TTC13: variants seen among roughly 807,000 people sequenced by gnomAD.
The protein encoded by TTC13 is tetratricopeptide repeat protein 13.
In TTC13, 62 loss-of-function variants were observed where a neutral mutation model predicts 120.0. The observed-to-expected ratio is 0.52, with a 90% CI of 0.42 to 0.64. The LOEUF (loss-of-function observed/expected upper bound fraction) is 0.64, where lower values mean the gene tolerates loss of function less well. Among genes scored for constraint, TTC13 ranks in the 30% least tolerant of loss-of-function variants. The probability of loss-of-function intolerance (pLI) is 0.00; values close to 1 mark genes in which losing one functional copy is unlikely to be tolerated. For missense variants in TTC13, 824 were observed against 1,050.2 expected, an observed-to-expected ratio of 0.78 and a Z score of 2.98; for synonymous variants, 384 against 393.5, an observed-to-expected ratio of 0.98 and a Z score of 0.28.
chr1:230,910,322 G>T (rs907824175), intron 20 of TTC13, among the ~76,000 whole-genome samples: 5 of 152,334 alleles, frequency 3.3e-5, no homozygotes, highest in Admixed American at 6.5e-5. Flanking sequence ...AAAGAGCCAC[G>T]GAAGAGAGCG....
At chr1:230,937,047 T>C (rs1674131333) in intron 8 of TTC13, among the ~76,000 whole-genome samples, 1 of 152,192 alleles carries the variant, frequency 6.6e-6, no homozygotes. Context: ...CTTATGAGCA[T>C]GGTGAAAAGG....
intron 17 of TTC13, among the ~76,000 whole-genome samples, chr1:230,918,354 C>T (rs1672244681): frequency 6.6e-6 from 1 of 152,154 alleles, no homozygotes; most frequent in African/African-American, 2.4e-5. Context: ...ACACTTATAA[C>T]TGTCACATTC....
intron 8 of TTC13, among the ~76,000 whole-genome samples, chr1:230,934,098 G>T (rs1331019693): frequency 6.6e-6 from 1 of 152,084 alleles, no homozygotes; most frequent in Non-Finnish European, 1.5e-5. Flanking sequence ...TTTACAATGG[G>T]ACATCAGCTT....
intron 5 of TTC13, 26 bp from the exon 6 acceptor site, chr1:230,943,924 A>T: frequency 2.0e-6 from 3 of 1,523,372 alleles, no homozygotes; most frequent in Non-Finnish European, 2.7e-6. Flanking sequence ...GCTTAGTATG[A>T]GACATACTGT....
chr1:230,939,793 A>T (rs1451144587), intron 7 of TTC13, among the ~76,000 whole-genome samples: 2 of 152,250 alleles, frequency 1.3e-5, no homozygotes, highest in Non-Finnish European at 2.9e-5. Context: ...TGTTAGAGAA[A>T]TTTCTGGTAC....
At chr1:230,920,432 C>CT (rs1277466212) in intron 17 of TTC13, 78 bp downstream of exon 17, 3 of 1,000,864 alleles carry the variant, frequency 3.0e-6, no homozygotes, top group African/African-American at 1.6e-5. Flanking sequence ...TTTAATAATT[C>CT]TGAGTTCTTT....
At chr1:230,921,051 A>T (rs562398703) in intron 16 of TTC13, among the ~76,000 whole-genome samples, 1 of 152,112 alleles carries the variant, frequency 6.6e-6, no homozygotes, top group East Asian at 1.9e-4. Context: ...AAGCATTCAG[A>T]TTTTTTTTCT....
rs1296857589 is a variant in TTC13, at chr1:230,911,480, G to A, written c.2299C>T (p.Arg767Ter). ...YYFYNLMPLS[R>*]GSSVIAYSVI... ...CAGGATATTACTTACCTGGATCCTC[G>A]AGAGAGTGGCATTAAATTATAAAAG... is the stretch of plus-strand genomic sequence containing the variant. The change falls in exon 20 of 23, where the codon CGA becomes TGA. Residue 767 changes from arginine to a stop codon, truncating the protein, a stop_gained. Transcript: ENST00000366661. LOFTEE classifies it high-confidence loss of function. 2.5e-6 allele frequency: 4 copies of A among 1,595,446 alleles called. No homozygotes were observed. The highest frequency in any genetic ancestry group is 3.4e-6 in the Non-Finnish European group (4 of 1,170,778).
chr1:230,958,155 T>C (rs1336347394), intron 3 of TTC13, 69 bp downstream of exon 3: 1 of 1,527,356 alleles, frequency 6.5e-7, no homozygotes, highest in Admixed American at 1.7e-5. Flanking sequence ...CCATCCTGTC[T>C]TCCTGCTATG....
chr1:230,917,333 C>T (rs937505037), intron 17 of TTC13, among the ~76,000 whole-genome samples: 3 of 152,116 alleles, frequency 2.0e-5, no homozygotes, highest in African/African-American at 7.2e-5. Flanking sequence ...TGGCTGAGTC[C>T]CAGCCAGCAG....
intron 17 of TTC13, among the ~76,000 whole-genome samples, chr1:230,918,023 T>C (rs1672210773): frequency 6.6e-6 from 1 of 152,224 alleles, no homozygotes; most frequent in Admixed American, 6.5e-5. Flanking sequence ...AAGATTACTA[T>C]ATGTCCCACA....
chr1:230,959,405 A>G (rs1676411579), intron 2 of TTC13, among the ~76,000 whole-genome samples: 1 of 151,914 alleles, frequency 6.6e-6, no homozygotes, highest in Non-Finnish European at 1.5e-5. Flanking sequence ...TTTTGAGACA[A>G]AGTTTCTCTC....
intron 4 of TTC13, among the ~76,000 whole-genome samples, chr1:230,949,840 G>A (rs182455032): frequency 0.019 from 2,931 of 152,096 alleles, 39 homozygotes; most frequent in Non-Finnish European, 0.027. Context: ...TAGTAGAGAC[G>A]GGGTTTCACC....
chr1:230,946,521 C>T (rs759120400), intron 4 of TTC13, among the ~76,000 whole-genome samples: 2 of 152,204 alleles, frequency 1.3e-5, no homozygotes, highest in African/African-American at 4.8e-5. Context: ...ACTGGCATAT[C>T]GCTGGCCACA....
In TTC13 at chr1:230,911,268, A is replaced by G. The variant is rs139764405; in HGVS notation, c.2309+202T>C. 1,326 of 400,072 alleles carry G rather than the reference A, an allele frequency of 3.3e-3. 15 individuals carry two copies. The highest frequency in any genetic ancestry group is 0.026 in the African/African-American group (1,230 of 47,996). 24.8% of individuals were successfully genotyped at this position (400,072 alleles called of 1,614,324 possible). ...TCCCTATCCTATTAAACGTAAGCACACTATATTAGAACTGTCTTCTATAAT... is the reference window on the plus strand; with the variant it reads ...TCCCTATCCTATTAAACGTAAGCACGCTATATTAGAACTGTCTTCTATAAT... On this transcript the variant is annotated intron_variant, in intron 20 of 22. Transcript: ENST00000366661.
intron 1 of TTC13, among the ~76,000 whole-genome samples, chr1:230,967,017 C>G (rs1023674918): frequency 6.6e-6 from 1 of 152,128 alleles, no homozygotes. Context: ...CATGGTAAAT[C>G]CTTTGTCCAA....
At position 230,931,765 on chromosome 1, in the gene TTC13, T is replaced by C. The variant is rs750975346; in HGVS notation, c.1096A>G (p.Ser366Gly). The C allele has an allele frequency of 2.9e-5, 47 of 1,614,180 alleles. 1 individual carries two copies. In the Admixed American group the frequency reaches 7.8e-4, roughly 27 times the overall value. ...AAGTTCTTAAGGGCTTCCTGTAAGC[T>C]GCCGTGGTGGTAGAGCATCATTCCC... ...LRGMMLYHHG[S>G]LQEALKNFKR... Residue 366 changes from serine to glycine, a missense_variant, in exon 10 of 23, where the codon AGC becomes GGC. Physicochemically the swap from Ser to Gly is moderately conservative, Grantham distance 56 (BLOSUM62 0). This residue lies in a region of TTC13 where 430 missense variants were observed against 626.8 expected (regional missense o/e 0.69). Coordinates refer to ENST00000366661, the MANE Select transcript of TTC13 (RefSeq NM_024525.5).
At chr1:230,958,082 G>C in intron 3 of TTC13, 142 bp downstream of exon 3, 1 of 628,932 alleles carries the variant, frequency 1.6e-6, no homozygotes, top group South Asian at 2.8e-5. Flanking sequence ...ATGTCACAAG[G>C]GCTGAATGCT....
At chr1:230,966,691 G>T (rs1182292203) in intron 1 of TTC13, among the ~76,000 whole-genome samples, 1 of 152,192 alleles carries the variant, frequency 6.6e-6, no homozygotes, top group Non-Finnish European at 1.5e-5. Flanking sequence ...AGCTACACAT[G>T]ACAGCACAGT....
Sources: allele counts gnomAD v4.1 joint callset (sites outside exome capture counted in the v4.1 genomes callset), GRCh38; gene constraint gnomAD v4.1.1; regional missense constraint gnomAD v4.1.1; transcripts MANE v1.5; gene names NCBI Gene and HGNC (gene_info 2026-07-23, HGNC 2026-07-21).